Variants in PHEX observed in about 807,000 individuals in gnomAD.
PHEX encodes phosphate regulating endopeptidase X-linked.
Under a neutral mutation model 68.0 loss-of-function variants are expected in PHEX, and 16 were observed. The observed-to-expected ratio is 0.24, with a 90% CI of 0.16 to 0.36. PHEX has a LOEUF of 0.36. PHEX is among the 10% of genes least tolerant of loss of function. The pLI is 1.00. For synonymous variants in PHEX, 208 were observed against 205.1 expected, an observed-to-expected ratio of 1.01 and a Z score of -0.12; for missense variants, 480 against 575.5, an observed-to-expected ratio of 0.83 and a Z score of 1.70.
chrX:22,234,615 C>A (rs777098114), intron 20 of PHEX, among the ~76,000 whole-genome samples: 1 of 109,831 alleles, frequency 9.1e-6, no homozygotes, highest in Non-Finnish European at 1.9e-5. Context: ...CGCCCCTTCC[C>A]CCCCCAAGCT....
intron 15 of PHEX, among the ~76,000 whole-genome samples, chrX:22,193,682 G>T (rs896367364): frequency 6.3e-5 from 7 of 111,417 alleles, no homozygotes; most frequent in African/African-American, 2.3e-4. Context: ...TTATTCTTCT[G>T]TTGTCCAGCC....
At chrX:22,090,977 G>A (rs1050693072) in intron 6 of PHEX, among the ~76,000 whole-genome samples, 4 of 111,675 alleles carry the variant, frequency 3.6e-5, no homozygotes, top group African/African-American at 1.3e-4. Context: ...TTTTTAACAG[G>A]TGTTCCAGGT....
intron 11 of PHEX, among the ~76,000 whole-genome samples, chrX:22,125,515 A>G (rs1931677422): frequency 9.0e-6 from 1 of 110,568 alleles, no homozygotes; most frequent in African/African-American, 3.3e-5. Flanking sequence ...CTCCTAGCCT[A>G]TAATTATTCC....
intron 12 of PHEX, among the ~76,000 whole-genome samples, chrX:22,136,073 C>CATGCA (rs1932217631): frequency 9.5e-6 from 1 of 104,729 alleles, no homozygotes; most frequent in Non-Finnish European, 1.9e-5. Context: ...ATTAAATGAA[C>CATGCA]ATGCAGTTCT....
chrX:22,098,795 CAAAAAAAAAA>C lies in PHEX; in HGVS notation c.934-188_934-179del, dbSNP rs746223770. On this transcript the variant is annotated intron_variant, in intron 8 of 21. Transcript: ENST00000379374. The stretch of plus-strand genomic sequence containing the variant: ...CCTGGGTGATAGAGCGAGAATGTCT[CAAAAAAAAAA>C]AAAAAAAAAAAAAAAAAAAAAAGAC... Among the ~76,000 whole-genome samples, 24 of 11,369 alleles carry C rather than the reference CAAAAAAAAAA, an allele frequency of 2.1e-3. No homozygotes were observed. In the East Asian group the frequency reaches 0.041, roughly 19 times the overall value. 9.9% of individuals were successfully genotyped at this position (11,369 alleles called of 115,157 possible). A position where few individuals can be genotyped will look rare whatever the true frequency, so the allele number is the denominator to read the frequency against.
rs759298159 is a variant in PHEX, at chrX:22,045,995, A to C, written c.188-1055A>C. 4.4e-5 allele frequency among the ~76,000 whole-genome samples: 5 copies of C among 112,599 alleles called. No individual in the cohort carries two copies. In the South Asian group the frequency reaches 1.5e-3, roughly 33 times the overall value. ...CACTGTGAGGCAAACCACCCAAACC[A>C]TAGAGGCCTGGAACAAAAATGATTG... On this transcript the variant is annotated intron_variant, in intron 2 of 21. Transcript: ENST00000379374.
chrX:22,037,170 G>A lies in PHEX; in HGVS notation c.119-1299G>A, dbSNP rs780205431. ...TCTTGAATCTCTAATGTAACACAAT[G>A]CAATGCAAAGAGGCTGTTTGGAGGA... is the stretch of plus-strand genomic sequence containing the variant. On this transcript the variant is annotated intron_variant, in intron 1 of 21. Coordinates refer to ENST00000379374, the MANE Select transcript of PHEX (RefSeq NM_000444.6). 2.7e-5 allele frequency among the ~76,000 whole-genome samples: 3 copies of A among 110,023 alleles called. No homozygotes were observed. In the East Asian group the frequency reaches 8.5e-4, roughly 31 times the overall value.
At chrX:22,106,907 T>C (rs1480406447) in intron 9 of PHEX, among the ~76,000 whole-genome samples, 1 of 111,465 alleles carries the variant, frequency 9.0e-6, no homozygotes, top group African/African-American at 3.3e-5. Context: ...ACAGTGGTTC[T>C]TCAACTTGGC....
At chrX:22,139,414 C>T (rs1211271663) in intron 12 of PHEX, among the ~76,000 whole-genome samples, 1 of 111,882 alleles carries the variant, frequency 8.9e-6, no homozygotes, top group African/African-American at 3.3e-5. Flanking sequence ...TCAGTATTGT[C>T]GTTGTGATAT....
At chrX:22,242,718 C>A (rs1936262393) in intron 20 of PHEX, among the ~76,000 whole-genome samples, 1 of 111,667 alleles carries the variant, frequency 9.0e-6, no homozygotes, top group African/African-American at 3.3e-5. Context: ...ATACAACTTA[C>A]AAGGGATGTG....
At chrX:22,222,075 A>G (rs975075873) in intron 18 of PHEX, among the ~76,000 whole-genome samples, 5 of 112,069 alleles carry the variant, frequency 4.5e-5, no homozygotes, top group Admixed American at 2.8e-4. Context: ...AATGTTTATA[A>G]ACACTGACTT....
intron 8 of PHEX, among the ~76,000 whole-genome samples, chrX:22,098,795 C>CAA (rs746223770): frequency 0.029 from 334 of 11,370 alleles, 42 homozygotes; most frequent in East Asian, 0.063. Context: ...GAGAATGTCT[C>CAA]AAAAAAAAAA....
At chrX:22,139,345 G>T (rs1932359951) in intron 12 of PHEX, among the ~76,000 whole-genome samples, 1 of 111,868 alleles carries the variant, frequency 8.9e-6, no homozygotes, top group Non-Finnish European at 1.9e-5. Flanking sequence ...TGCTGAGAGG[G>T]TGTTGGAGGG....
chrX:22,074,228 G>A (rs1352908258), intron 3 of PHEX, among the ~76,000 whole-genome samples: 1 of 109,936 alleles, frequency 9.1e-6, no homozygotes, highest in African/African-American at 3.3e-5. Flanking sequence ...AATGGATGCT[G>A]TCAACTGATT....
chrX:22,057,893 G>T (rs1293220398), intron 3 of PHEX, among the ~76,000 whole-genome samples: 5 of 111,841 alleles, frequency 4.5e-5, no homozygotes, highest in African/African-American at 1.3e-4. Flanking sequence ...GCAGTTGTGG[G>T]GGCAGCTGAC....
chrX:22,099,078 T>C lies in PHEX; in HGVS notation c.1006T>C (p.Ser336Pro). The C allele has an allele frequency of 1.7e-6, 2 of 1,207,146 alleles. No individual in the cohort carries two copies. Among genetic ancestry groups the C allele is most frequent in the Middle Eastern group, 2.3e-4 (1 of 4,341 alleles). ...LYPHLKDISPSENVVVRVPQY... is the reference protein window; with the variant it reads ...LYPHLKDISPPENVVVRVPQY... ...CCCCCATCTGAAAGACATCAGCCCC[T>C]CCGAGAATGTGGTGGTCCGCGTCCC... Residue 336 changes from serine to proline, a missense_variant, in exon 9 of 22, where the codon TCC (serine) becomes CCC (proline). Ser to Pro is a moderately conservative substitution (Grantham distance 74, BLOSUM62 -1). Transcript: ENST00000379374.
intron 20 of PHEX, among the ~76,000 whole-genome samples, chrX:22,233,437 C>T (rs1321855205): frequency 1.1e-4 from 12 of 111,573 alleles, no homozygotes; most frequent in African/African-American, 3.3e-4. Flanking sequence ...CCGTCACTTT[C>T]AGGTACACCA....
chrX:22,120,567 C>T (rs1194050005), intron 11 of PHEX, among the ~76,000 whole-genome samples: 1 of 111,573 alleles, frequency 9.0e-6, no homozygotes, highest in African/African-American at 3.3e-5. Context: ...AATTCATATC[C>T]AACCAGTTGA....
intron 2 of PHEX, among the ~76,000 whole-genome samples, chrX:22,043,942 T>G (rs771925843): frequency 5.4e-5 from 6 of 111,457 alleles, no homozygotes; most frequent in Non-Finnish European, 9.4e-5. Flanking sequence ...CCTTGCAATT[T>G]GAAGTCACAG....
Sources: gnomAD v4.1 joint callset for allele counts (sites outside exome capture counted in the v4.1 genomes callset) on GRCh38, gnomAD v4.1.1 for gene constraint, MANE v1.5 for transcripts, NCBI Gene and HGNC (gene_info 2026-07-23, HGNC 2026-07-21) for gene names.